POLR3E: variants seen among roughly 807,000 people sequenced by gnomAD.
The protein encoded by POLR3E is DNA-directed RNA polymerase III subunit RPC5.
Under a neutral mutation model 96.6 loss-of-function variants are expected in POLR3E, and 41 were observed. The ratio of observed to expected loss-of-function variants is 0.42; its 90% CI spans 0.33 to 0.55. POLR3E has a LOEUF of 0.55. POLR3E is among the 20% of genes least tolerant of loss of function. The pLI, the probability that POLR3E is intolerant of heterozygous loss-of-function variation, is 0.06. For synonymous variants in POLR3E, 396 were observed against 383.6 expected (o/e 1.03, Z -0.38); for missense variants, 849 against 952.1 (o/e 0.89, Z 1.43).
Position 22,324,337 on chromosome 16 carries a change from T to C in POLR3E, c.1069-17T>C. On this transcript the variant is annotated splice_polypyrimidine_tract_variant and intron_variant, in intron 14 of 20. Coordinates refer to ENST00000299853, the MANE Select transcript of POLR3E (RefSeq NM_018119.4). ...GTCCGTGGCCGCCCCTGGAATGTGC[T>C]GCTTCTTCTCCCTCAGATGTGGAAG... is the stretch of plus-strand genomic sequence containing the variant. 1 of 1,611,198 alleles carries C rather than the reference T, an allele frequency of 6.2e-7. No homozygotes were observed. The highest frequency in any genetic ancestry group is 8.5e-7 in the Non-Finnish European group (1 of 1,178,676).
rs770750366 is a variant in POLR3E at position 22,326,319 on chromosome 16, G to A, written c.1866+41G>A. ...CCTGCCAGGGGCATGGGGGGTGGGG[G>A]GTGGGGAGAACCAGCTGTTGGGAGG... On this transcript the variant is annotated intron_variant, in intron 18 of 20. Coordinates refer to ENST00000299853, the MANE Select transcript of POLR3E (RefSeq NM_018119.4). The A allele has an allele frequency of 3.5e-5, 16 of 458,906 alleles. 1 individual carries two copies. The highest frequency in any genetic ancestry group is 2.1e-4 in the South Asian group (13 of 62,998). The allele number at this position is 458,906 out of a possible 1,614,324, so 28.4% of individuals were successfully genotyped here.
At chr16:22,323,338 C>A (rs1360028458) in intron 14 of POLR3E, among the ~76,000 whole-genome samples, 1 of 152,142 alleles carries the variant, frequency 6.6e-6, no homozygotes, top group East Asian at 1.9e-4. Context: ...CTCCAGTTCA[C>A]CACAGTCCCA....
chr16:22,329,365 G>GT (rs1398244264), intron 19 of POLR3E, among the ~76,000 whole-genome samples: 3 of 152,168 alleles, frequency 2.0e-5, no homozygotes, highest in Non-Finnish European at 4.4e-5. Context: ...GCCCAGAAAT[G>GT]TGAGTGGAAG....
rs563481562 is a variant in POLR3E, at chr16:22,298,510, C to A, written c.-39+973C>A. Among the ~76,000 whole-genome samples, 3 of 152,282 alleles carry A rather than the reference C, an allele frequency of 2.0e-5. No homozygotes were observed. The East Asian group carries it at 5.8e-4, about 29-fold the overall frequency. On this transcript the variant is annotated intron_variant, in intron 1 of 20. Transcript: ENST00000299853. ...TTAGGGATGAAAATAGGGAGGAATA[C>A]CAAACCCAGACAACTCAGGTGGGTC...
intron 1 of POLR3E, among the ~76,000 whole-genome samples, chr16:22,298,472 T>TA (rs1453687756): frequency 6.6e-6 from 1 of 152,170 alleles, no homozygotes; most frequent in African/African-American, 2.4e-5. Flanking sequence ...GGTCGGTACT[T>TA]AGTTTCCCTA....
intron 9 of POLR3E, among the ~76,000 whole-genome samples, chr16:22,315,790 A>G (rs988012028): frequency 6.6e-5 from 10 of 151,142 alleles, no homozygotes; most frequent in African/African-American, 1.2e-4. Flanking sequence ...TTCTGCCTCA[A>G]CCTCCCAGGT....
In POLR3E at chr16:22,318,963, A is replaced by AT; in HGVS notation, c.986+23dup. On this transcript the variant is annotated intron_variant, in intron 13 of 20. Transcript: ENST00000299853. The surrounding 1 kb of genome is among the most constrained non-coding windows in gnomAD (Gnocchi z 5.0). ...GGTGAAGAGGTAAGTTGCTTTTTTT[A>AT]TTTTTTATTTTTATTTATTTTTTTC... 2 of 1,554,634 alleles carry AT rather than the reference A, an allele frequency of 1.3e-6. No homozygotes were observed. The highest frequency in any genetic ancestry group is 1.4e-5 in the African/African-American group (1 of 71,906).
chr16:22,334,830 CAT>C lies in POLR3E; in HGVS notation c.*1131_*1132del, dbSNP rs1488815683. ...AATAAGAGTAAGCTAGGTTGGATGACATGTGAATTTTGGTATCTAGATAAGGC... is the reference window on the plus strand; with the variant it reads ...AATAAGAGTAAGCTAGGTTGGATGACGTGAATTTTGGTATCTAGATAAGGC... On this transcript the variant is annotated 3_prime_UTR_variant, in exon 21 of 21. Transcript: ENST00000299853. 1.3e-5 allele frequency: 2 copies of C among 152,190 alleles called. No individual in the cohort carries two copies. Among genetic ancestry groups the C allele is most frequent in the African/African-American group, 2.4e-5 (1 of 41,444 alleles). 9.4% of individuals were successfully genotyped at this position (152,190 alleles called of 1,614,324 possible). A position where few individuals can be genotyped will look rare whatever the true frequency, so the allele number is the denominator to read the frequency against.
At chr16:22,329,668 A>G (rs1474699272) in intron 19 of POLR3E, among the ~76,000 whole-genome samples, 1 of 152,216 alleles carries the variant, frequency 6.6e-6, no homozygotes, top group Non-Finnish European at 1.5e-5. Context: ...ATACTTTGAT[A>G]ACAAAAAGGC....
rs749652288 is a variant in POLR3E at position 22,324,367 on chromosome 16, C to G, written c.1082C>G (p.Thr361Arg). The part of the protein sequence containing the change: ...RGRDFVMWKF[T>R]QSRWVVRKEV... ...CTTCTCCCTCAGATGTGGAAGTTCA[C>G]GCAGAGCCGCTGGGTGGTTAGGAAA... The change falls in exon 15 of 21, where the codon ACG becomes AGG. Residue 361 changes from threonine (T) to arginine (R), a missense_variant. Physicochemically the swap from Thr to Arg is moderately conservative, Grantham distance 71. Coordinates refer to ENST00000299853, the MANE Select transcript of POLR3E (RefSeq NM_018119.4). 6.2e-7 allele frequency: 1 copy of G among 1,612,632 alleles called. No individual in the cohort carries two copies. The highest frequency in any genetic ancestry group is 8.5e-7 in the Non-Finnish European group (1 of 1,179,594).
chr16:22,324,747 T>A, intron 16 of POLR3E, 87 bp downstream of exon 16: 1 of 1,438,804 alleles, frequency 7.0e-7, no homozygotes, highest in Non-Finnish European at 9.7e-7. Flanking sequence ...ATCCGAGCAA[T>A]CTCTAGAAAC....
At chr16:22,323,305 C>A (rs1246673226) in intron 14 of POLR3E, among the ~76,000 whole-genome samples, 1 of 152,166 alleles carries the variant, frequency 6.6e-6, no homozygotes, top group Non-Finnish European at 1.5e-5. Flanking sequence ...CCTGGGGCCA[C>A]TTCCCCACAA....
chr16:22,319,567 T>C (rs2048429152), intron 13 of POLR3E, among the ~76,000 whole-genome samples: 1 of 151,986 alleles, frequency 6.6e-6, no homozygotes, highest in South Asian at 2.1e-4. Context: ...GCCCAGCTAA[T>C]TTTTTGTATT....
At chr16:22,307,866 G>A (rs145646461) in intron 3 of POLR3E, among the ~76,000 whole-genome samples, 54 of 152,280 alleles carry the variant, frequency 3.5e-4, no homozygotes, top group Non-Finnish European at 6.2e-4. Flanking sequence ...GAGCAGCAGC[G>A]TGCCGGTTTG....
chr16:22,324,689 C>T (rs765419614), intron 16 of POLR3E, 29 bp downstream of exon 16: 5 of 1,611,198 alleles, frequency 3.1e-6, no homozygotes, highest in South Asian at 2.2e-5. Flanking sequence ...GGAGGGGCAG[C>T]CCGGTGATCC....
At position 22,313,882 on chromosome 16, in the gene POLR3E, T is replaced by G. The variant is rs1344925155; in HGVS notation, c.472+155T>G. 6.6e-6 allele frequency among the ~76,000 whole-genome samples: 1 copy of G among 151,458 alleles called. No homozygotes were observed. Among genetic ancestry groups the G allele is most frequent in the Non-Finnish European group, 1.5e-5 (1 of 67,896 alleles). ...AGCACCCACCCCACAGTCGTGACAA[T>G]CAAAAAGGTCACATTGCCCAGTATC... On this transcript the variant is annotated intron_variant, in intron 7 of 20. Coordinates refer to ENST00000299853, the MANE Select transcript of POLR3E (RefSeq NM_018119.4). The surrounding 1 kb of genome is among the most constrained non-coding windows in gnomAD (Gnocchi z 4.1).
At chr16:22,304,708 C>T (rs1003044658) in intron 2 of POLR3E, among the ~76,000 whole-genome samples, 1 of 152,134 alleles carries the variant, frequency 6.6e-6, no homozygotes, top group Non-Finnish European at 1.5e-5. Context: ...GTGGAGCCAT[C>T]AGTCACAAAG....
chr16:22,325,341 T>C (rs934606796), intron 17 of POLR3E, 75 bp downstream of exon 17: 12 of 1,209,144 alleles, frequency 9.9e-6, no homozygotes, highest in Non-Finnish European at 1.5e-5. Context: ...TGCTAGAGCT[T>C]GTCAGGCCCG....
At chr16:22,325,739 A>G (rs1277092214) in intron 17 of POLR3E, 22 bp from the exon 18 acceptor site, 8 of 1,530,300 alleles carry the variant, frequency 5.2e-6, no homozygotes, top group South Asian at 1.3e-5. Context: ...CCTCCTGAGC[A>G]GTGCTGCCTC....
Sources: allele counts gnomAD v4.1 joint callset (sites outside exome capture counted in the v4.1 genomes callset), GRCh38; gene constraint gnomAD v4.1.1; non-coding constraint Gnocchi (gnomAD v3.1); transcripts MANE v1.5; gene names NCBI Gene and HGNC (gene_info 2026-07-23, HGNC 2026-07-21).